The following MRTFA variants were observed in gnomAD, a reference collection of about 807,000 sequenced individuals.
MRTFA encodes myocardin-related transcription factor A.
MRTFA carries 20 observed loss-of-function variants against 83.5 expected under a neutral mutation model. The observed-to-expected ratio is 0.24, with a 90% CI of 0.17 to 0.35. The LOEUF is 0.35. MRTFA is among the 10% of genes least tolerant of loss of function. The pLI, the probability that MRTFA is intolerant of heterozygous loss-of-function variation, is 1.00. For missense variants in MRTFA, 1,200 were observed against 1,224.7 expected (o/e 0.98, Z 0.30); for synonymous variants, 659 against 541.2 (o/e 1.22, Z -3.02).
At chr22:40,530,802 A>G (rs1326640228) in intron 3 of MRTFA, among the ~76,000 whole-genome samples, 1 of 152,248 alleles carries the variant, frequency 6.6e-6, no homozygotes. Context: ...TCTGCTTTGG[A>G]CAAGGATTGG....
At chr22:40,569,339 G>T in intron 2 of MRTFA, 3 of 216,722 alleles carry the variant, frequency 1.4e-5, no homozygotes, top group South Asian at 1.8e-4. Flanking sequence ...TGCCCCTTTT[G>T]ACAGGCGCTT....
intron 14 of MRTFA, among the ~76,000 whole-genome samples, chr22:40,414,539 G>A (rs760799145): frequency 1.2e-4 from 19 of 152,190 alleles, no homozygotes; most frequent in Non-Finnish European, 2.4e-4. Context: ...GTATGATTCA[G>A]CCTTTAAAAA....
At chr22:40,557,986 C>T (rs187481189) in intron 2 of MRTFA, among the ~76,000 whole-genome samples, 13 of 152,278 alleles carry the variant, frequency 8.5e-5, no homozygotes, top group African/African-American at 3.1e-4. Context: ...GTTGCCCAGG[C>T]TGGTCTTAAA....
At chr22:40,424,991 G>C (rs767229029) in intron 7 of MRTFA, among the ~76,000 whole-genome samples, 2 of 152,216 alleles carry the variant, frequency 1.3e-5, no homozygotes, top group Non-Finnish European at 2.9e-5. Context: ...GCCTGCACAG[G>C]TGAAATGGAG....
At chr22:40,536,997 C>A (rs1404495986) in intron 3 of MRTFA, among the ~76,000 whole-genome samples, 4 of 77,322 alleles carry the variant, frequency 5.2e-5, no homozygotes, top group Non-Finnish European at 1.1e-4. Context: ...GCAGCCACCC[C>A]GTCCGGGAGG....
intron 3 of MRTFA, among the ~76,000 whole-genome samples, chr22:40,515,367 T>C (rs2054740658): frequency 6.6e-6 from 1 of 152,086 alleles, no homozygotes; most frequent in East Asian, 1.9e-4. Flanking sequence ...GAGAAACATA[T>C]ACATTTAAAA....
intron 3 of MRTFA, among the ~76,000 whole-genome samples, chr22:40,467,034 A>C (rs2053822650): frequency 6.6e-6 from 1 of 152,146 alleles, no homozygotes; most frequent in Non-Finnish European, 1.5e-5. Flanking sequence ...AAGCTTATCT[A>C]ATAAACCTTT....
At chr22:40,584,684 C>T (rs1401543132) in intron 2 of MRTFA, among the ~76,000 whole-genome samples, 3 of 149,590 alleles carry the variant, frequency 2.0e-5, no homozygotes, top group Non-Finnish European at 4.4e-5. Flanking sequence ...GAGCCAAAAT[C>T]GCACCATTGC....
intron 1 of MRTFA, among the ~76,000 whole-genome samples, chr22:40,619,417 G>A (rs564215301): frequency 5.9e-5 from 9 of 152,206 alleles, no homozygotes; most frequent in South Asian, 4.1e-4. Flanking sequence ...GACGATCCTC[G>A]TTTTACAGTA....
At chr22:40,585,957 C>T (rs929753402) in intron 2 of MRTFA, among the ~76,000 whole-genome samples, 3 of 152,078 alleles carry the variant, frequency 2.0e-5, no homozygotes, top group African/African-American at 4.8e-5. Flanking sequence ...AAAATAGAAA[C>T]GAGCAGATTG....
intron 3 of MRTFA, among the ~76,000 whole-genome samples, chr22:40,536,306 A>G (rs2055172623): frequency 6.6e-6 from 1 of 151,904 alleles, no homozygotes; most frequent in Non-Finnish European, 1.5e-5. Context: ...CTGTCTCAAT[A>G]AATAAATAAA....
At chr22:40,479,434 C>G (rs1278764350) in intron 3 of MRTFA, among the ~76,000 whole-genome samples, 2 of 152,140 alleles carry the variant, frequency 1.3e-5, no homozygotes, top group African/African-American at 4.8e-5. Flanking sequence ...GGCCTTTCCT[C>G]TCGCAAGTCC....
At position 40,503,925 on chromosome 22, in the gene MRTFA, T is replaced by TAA. The variant is rs879928813; in HGVS notation, c.242-40641_242-40640dup. On this transcript the variant is annotated intron_variant, in intron 3 of 14. Transcript: ENST00000355630. ...CAACAGAGCAAGACTGTCTCAAGTT[T>TAA]AAAAAAAAAAAAATTCCCAGGATAC... 3.4e-5 allele frequency among the ~76,000 whole-genome samples: 5 copies of TAA among 145,424 alleles called. No individual in the cohort carries two copies. In the South Asian group the frequency reaches 8.6e-4, roughly 25 times the overall value.
intron 1 of MRTFA, among the ~76,000 whole-genome samples, chr22:40,612,510 G>A (rs1224247321): frequency 6.6e-6 from 1 of 152,186 alleles, no homozygotes; most frequent in Non-Finnish European, 1.5e-5. Flanking sequence ...TTAGTCCACA[G>A]AGTATTGACC....
chr22:40,466,302 T>C (rs2053812004), intron 3 of MRTFA, among the ~76,000 whole-genome samples: 1 of 152,228 alleles, frequency 6.6e-6, no homozygotes, highest in South Asian at 2.1e-4. Flanking sequence ...CTGTCATGCT[T>C]TTAACTTATT....
intron 2 of MRTFA, among the ~76,000 whole-genome samples, chr22:40,574,384 CA>C (rs1393040295): frequency 6.6e-6 from 1 of 151,844 alleles, no homozygotes; most frequent in African/African-American, 2.4e-5. Context: ...CATTATTCCC[CA>C]AACAATACAG....
chr22:40,458,704 G>A (rs537326459), intron 4 of MRTFA, among the ~76,000 whole-genome samples: 1 of 152,096 alleles, frequency 6.6e-6, no homozygotes, highest in Non-Finnish European at 1.5e-5. Flanking sequence ...CATAACTAAC[G>A]TGCCCATTCC....
At chr22:40,432,952 T>C (rs1569262018) in intron 5 of MRTFA, among the ~76,000 whole-genome samples, 1 of 152,212 alleles carries the variant, frequency 6.6e-6, no homozygotes, top group East Asian at 1.9e-4. Flanking sequence ...CCAGTGGCCA[T>C]GACTGAGGTA....
chr22:40,480,273 TA>T (rs1317768441), intron 3 of MRTFA, among the ~76,000 whole-genome samples: 11 of 151,292 alleles, frequency 7.3e-5, no homozygotes, highest in Admixed American at 1.3e-4. Context: ...TCTGTATGTT[TA>T]TTTTTTTTTT....
Sources: allele counts gnomAD v4.1 joint callset (sites outside exome capture counted in the v4.1 genomes callset), GRCh38; gene constraint gnomAD v4.1.1; transcripts MANE v1.5; gene names NCBI Gene and HGNC (gene_info 2026-07-23, HGNC 2026-07-21).